Variants in PCSK2 observed in about 807,000 individuals in gnomAD.
PCSK2 encodes the protein neuroendocrine convertase 2.
PCSK2 carries 14 observed loss-of-function variants against 69.7 expected under a neutral mutation model. The observed-to-expected ratio is 0.20, with a 90% CI of 0.13 to 0.31. PCSK2 has a LOEUF of 0.31. PCSK2 is among the 10% of genes least tolerant of loss of function. PCSK2 has a pLI of 1.00. For synonymous variants in PCSK2, 307 were observed against 320.7 expected (o/e 0.96, Z 0.46); for missense variants, 544 against 842.5 (o/e 0.65, Z 4.39).
intron 2 of PCSK2, among the ~76,000 whole-genome samples, chr20:17,347,279 C>A (rs1308196839): frequency 6.6e-6 from 1 of 152,210 alleles, no homozygotes; most frequent in Non-Finnish European, 1.5e-5. Context: ...CTGTCTGCTG[C>A]CTGCTCCCTC....
chr20:17,421,241 C>T (rs1302581402), intron 6 of PCSK2, among the ~76,000 whole-genome samples: 1 of 152,190 alleles, frequency 6.6e-6, no homozygotes, highest in Non-Finnish European at 1.5e-5. Context: ...CATCTGGCCT[C>T]AGAAAGATGA....
intron 7 of PCSK2, among the ~76,000 whole-genome samples, chr20:17,433,867 T>G (rs1316026004): frequency 6.5e-5 from 5 of 76,602 alleles, no homozygotes; most frequent in Non-Finnish European, 1.2e-4. Flanking sequence ...TCTCCCTCTC[T>G]CTCTTCCTCC....
intron 11 of PCSK2, among the ~76,000 whole-genome samples, chr20:17,467,113 C>A (rs1292955863): frequency 6.6e-6 from 1 of 152,232 alleles, no homozygotes; most frequent in Non-Finnish European, 1.5e-5. Context: ...CCTCGCCACT[C>A]TTCATTGGTC....
At chr20:17,413,362 A>AG (rs2031922390) in intron 6 of PCSK2, among the ~76,000 whole-genome samples, 1 of 152,208 alleles carries the variant, frequency 6.6e-6, no homozygotes, top group African/African-American at 2.4e-5. Flanking sequence ...GGAAAACAAA[A>AG]AAAACACAAG....
intron 2 of PCSK2, among the ~76,000 whole-genome samples, chr20:17,315,574 C>A (rs924331199): frequency 1.3e-5 from 2 of 152,236 alleles, no homozygotes; most frequent in Non-Finnish European, 2.9e-5. Context: ...ACGCCCTCCA[C>A]GGGCAGGGGC....
At chr20:17,380,906 T>G (rs1397830294) in intron 5 of PCSK2, among the ~76,000 whole-genome samples, 1 of 152,242 alleles carries the variant, frequency 6.6e-6, no homozygotes, top group Non-Finnish European at 1.5e-5. Flanking sequence ...TCTTTCCACT[T>G]TCTTGCTTCC....
intron 1 of PCSK2, among the ~76,000 whole-genome samples, chr20:17,258,021 CT>C (rs753581287): frequency 2.6e-5 from 4 of 152,188 alleles, no homozygotes; most frequent in Non-Finnish European, 5.9e-5. Context: ...ACTTTTCCAA[CT>C]GAGCAAACCC....
chr20:17,411,144 G>C (rs987888083), intron 6 of PCSK2, among the ~76,000 whole-genome samples: 3 of 152,168 alleles, frequency 2.0e-5, no homozygotes, highest in Non-Finnish European at 4.4e-5. Context: ...GAACAGCTCT[G>C]GTCTGCAGCT....
chr20:17,376,470 A>C (rs2030930473), intron 5 of PCSK2, among the ~76,000 whole-genome samples: 1 of 152,182 alleles, frequency 6.6e-6, no homozygotes, highest in Admixed American at 6.5e-5. Context: ...GTCTGGAGAG[A>C]ATATTGGCTT....
chr20:17,424,083 TAATA>T (rs1322344623), intron 6 of PCSK2, among the ~76,000 whole-genome samples: 7 of 152,202 alleles, frequency 4.6e-5, no homozygotes, highest in African/African-American at 1.7e-4. Flanking sequence ...TACATGGAAA[TAATA>T]AACAAGAATG....
At chr20:17,405,373 G>A (rs1467610657) in intron 5 of PCSK2, among the ~76,000 whole-genome samples, 1 of 152,198 alleles carries the variant, frequency 6.6e-6, no homozygotes. Context: ...ATGGATGGCA[G>A]TGCCAGGGCC....
intron 2 of PCSK2, among the ~76,000 whole-genome samples, chr20:17,264,673 G>C (rs1164287591): frequency 1.3e-5 from 2 of 152,150 alleles, no homozygotes; most frequent in African/African-American, 2.4e-5. Flanking sequence ...AATACCACTG[G>C]AGCAAAAGAA....
At chr20:17,368,249 G>A (rs139030357) in intron 4 of PCSK2, among the ~76,000 whole-genome samples, 204 of 152,206 alleles carry the variant, frequency 1.3e-3, no homozygotes, top group Non-Finnish European at 2.3e-3. Flanking sequence ...GTTATTAAAT[G>A]CACCAGCTGC....
chr20:17,416,566 T>A (rs1254438095), intron 6 of PCSK2, among the ~76,000 whole-genome samples: 1 of 149,792 alleles, frequency 6.7e-6, no homozygotes, highest in Non-Finnish European at 1.5e-5. Flanking sequence ...GCTTTTGCAC[T>A]GTTGGTGGGA....
At chr20:17,376,862 T>C (rs2123244181) in intron 5 of PCSK2, among the ~76,000 whole-genome samples, 1 of 152,366 alleles carries the variant, frequency 6.6e-6, no homozygotes, top group Middle Eastern at 3.4e-3. Flanking sequence ...TTGCATTAAA[T>C]GTTAACTCAC....
chr20:17,241,204 T>G (rs894524609), intron 1 of PCSK2, among the ~76,000 whole-genome samples: 1 of 152,178 alleles, frequency 6.6e-6, no homozygotes, highest in African/African-American at 2.4e-5. Flanking sequence ...AGGCTTATAA[T>G]TTCAAGAGGT....
intron 2 of PCSK2, among the ~76,000 whole-genome samples, chr20:17,301,762 G>A (rs1344235272): frequency 2.0e-5 from 3 of 151,990 alleles, no homozygotes. Context: ...GAAACCCAGT[G>A]TCTACTAAAA....
intron 11 of PCSK2, among the ~76,000 whole-genome samples, chr20:17,474,973 G>T (rs2033267034): frequency 6.6e-6 from 1 of 152,084 alleles, no homozygotes. Flanking sequence ...TCCAGAGACA[G>T]ATAACACCTG....
intron 1 of PCSK2, among the ~76,000 whole-genome samples, chr20:17,229,716 T>C (rs1011014652): frequency 3.3e-5 from 5 of 152,028 alleles, no homozygotes; most frequent in African/African-American, 1.2e-4. Flanking sequence ...TTTACACGTT[T>C]AAGTAACAGG....
Sources: allele counts gnomAD v4.1 joint callset (sites outside exome capture counted in the v4.1 genomes callset), GRCh38; gene constraint gnomAD v4.1.1; transcripts MANE v1.5; gene names NCBI Gene and HGNC (gene_info 2026-07-23, HGNC 2026-07-21).